ZC3H7A: variants seen among roughly 807,000 people sequenced by gnomAD.
ZC3H7A encodes zinc finger CCCH-type containing 7A.
In ZC3H7A, 44 loss-of-function variants were observed where a neutral mutation model predicts 125.5. That is an observed-to-expected ratio of 0.35 (90% CI 0.28 to 0.45). The LOEUF is 0.45. Among genes scored for constraint, ZC3H7A ranks in the 20% least tolerant of loss-of-function variants. ZC3H7A has a pLI of 1.00. For synonymous variants in ZC3H7A, 399 were observed against 391.2 expected (o/e 1.02, Z -0.23); for missense variants, 977 against 1,170.7 (o/e 0.83, Z 2.41).
chr16:11,774,172 A>C (rs922205009), intron 9 of ZC3H7A, 64 bp downstream of exon 9: 19 of 1,422,556 alleles, frequency 1.3e-5, no homozygotes, highest in Non-Finnish European at 1.7e-5. Flanking sequence ...CTATCAAGTT[A>C]TATTACAATT....
intron 1 of ZC3H7A, among the ~76,000 whole-genome samples, chr16:11,786,484 A>AT (rs1417227887): frequency 3.4e-4 from 52 of 152,360 alleles, no homozygotes; most frequent in African/African-American, 1.2e-3. Context: ...CCAAGTTTAT[A>AT]GCCTTAAAGC....
At position 11,779,184 on chromosome 16, in the gene ZC3H7A, A is replaced by T. The variant is rs774296483; in HGVS notation, c.288T>A (p.Ile96=). 2 of 1,601,080 alleles carry T rather than the reference A, an allele frequency of 1.2e-6. No homozygotes were observed. Among genetic ancestry groups the T allele is most frequent in the Non-Finnish European group, 1.7e-6 (2 of 1,170,528 alleles). The change falls in exon 4 of 23, where the codon ATT becomes ATA. Residue 96 remains isoleucine, a synonymous_variant. Transcript: ENST00000355758. ...EIIEKLYINR[I]ACYSNMGFHD... ...AACTCACCATATTAGAATAGCAGGC[A>T]ATACGATTTATATATAGTTTTTCAA...
chr16:11,795,243 G>C (rs974076661), intron 1 of ZC3H7A, among the ~76,000 whole-genome samples: 15 of 152,238 alleles, frequency 9.9e-5, no homozygotes, highest in African/African-American at 3.6e-4. Flanking sequence ...TGAGAAGGAA[G>C]AGGCAGTGGA....
chr16:11,763,256 C>A, intron 16 of ZC3H7A: 1 of 348,740 alleles, frequency 2.9e-6, no homozygotes, highest in East Asian at 4.9e-5. Flanking sequence ...TACAGGCGCC[C>A]ACCACCACGC....
Position 11,761,485 on chromosome 16 carries a change from C to G in ZC3H7A, c.2240G>C (p.Arg747Thr), listed in dbSNP as rs1315190155. The G allele has an allele frequency of 6.2e-7, 1 of 1,613,954 alleles. No individual in the cohort carries two copies. The highest frequency in any genetic ancestry group is 8.5e-7 in the Non-Finnish European group (1 of 1,180,002). Residue 747 changes from arginine (R) to threonine (T), a missense_variant, in exon 19 of 23, where the codon AGA becomes ACA. Coordinates refer to ENST00000355758, the MANE Select transcript of ZC3H7A (RefSeq NM_014153.4). ...HSWTKDRRAM[R>T]VMSIERKKWM... ...CTTCTTACGTTCAATAGACATCACT[C>G]TCATCGCACGCCGGTCTTTGGTCCA...
At chr16:11,757,341 G>A (rs946412282) in intron 20 of ZC3H7A, among the ~76,000 whole-genome samples, 1 of 151,824 alleles carries the variant, frequency 6.6e-6, no homozygotes, top group Non-Finnish European at 1.5e-5. Flanking sequence ...AAAATTAGCC[G>A]GGTGTGGTGG....
chr16:11,781,824 G>C (rs1235716117), intron 2 of ZC3H7A, among the ~76,000 whole-genome samples: 1 of 152,118 alleles, frequency 6.6e-6, no homozygotes, highest in Non-Finnish European at 1.5e-5. Flanking sequence ...AGTATAGAGA[G>C]AATGTCTCCT....
intron 10 of ZC3H7A, among the ~76,000 whole-genome samples, chr16:11,769,432 T>A (rs1216017272): frequency 6.6e-6 from 1 of 151,984 alleles, no homozygotes; most frequent in Non-Finnish European, 1.5e-5. Context: ...TGGGGCCAGG[T>A]GCGGTGGCTC....
chr16:11,779,735 A>G (rs2053142856), intron 3 of ZC3H7A, among the ~76,000 whole-genome samples: 1 of 152,188 alleles, frequency 6.6e-6, no homozygotes, highest in Admixed American at 6.5e-5. Context: ...GCCATGATGA[A>G]AAATGTTTCT....
chr16:11,752,428 T>G (rs2141149601), intron 22 of ZC3H7A, among the ~76,000 whole-genome samples: 1 of 152,350 alleles, frequency 6.6e-6, no homozygotes, highest in South Asian at 2.1e-4. Flanking sequence ...TCAATTATCC[T>G]AAGACATTTC....
intron 1 of ZC3H7A, among the ~76,000 whole-genome samples, chr16:11,791,780 T>G (rs1426575267): frequency 6.6e-6 from 1 of 152,162 alleles, no homozygotes; most frequent in African/African-American, 2.4e-5. Context: ...ATCAATATAG[T>G]GGGAACTGCC....
intron 19 of ZC3H7A, 104 bp downstream of exon 19, chr16:11,761,302 C>G: frequency 9.1e-7 from 1 of 1,094,704 alleles, no homozygotes; most frequent in South Asian, 1.4e-5. Flanking sequence ...TTATTACTGA[C>G]GAATATTATT....
rs371898557 is a variant in ZC3H7A at position 11,779,415 on chromosome 16, A to T, written c.109-52T>A. 9.9e-6 allele frequency: 15 copies of T among 1,522,652 alleles called. No individual in the cohort carries two copies. In the African/African-American group the frequency reaches 1.5e-4, roughly 16 times the overall value. 94.3% of individuals were successfully genotyped at this position (1,522,652 alleles called of 1,614,324 possible). A position where few individuals can be genotyped will look rare whatever the true frequency, so the allele number is the denominator to read the frequency against. On this transcript the variant is annotated intron_variant, in intron 3 of 22. Transcript: ENST00000355758. ...AGCCTTTTATCAAACAAGATATGGT[A>T]TAAGTAAATTTTAATTTTTATACCT...
intron 22 of ZC3H7A, 111 bp downstream of exon 22, chr16:11,752,558 A>C: frequency 7.4e-7 from 1 of 1,357,768 alleles, no homozygotes; most frequent in Non-Finnish European, 1.0e-6. Context: ...GGTCTGTCAG[A>C]GCACAGCAAC....
intron 20 of ZC3H7A, among the ~76,000 whole-genome samples, chr16:11,757,242 T>G (rs983926822): frequency 1.3e-5 from 2 of 152,146 alleles, no homozygotes; most frequent in Non-Finnish European, 1.5e-5. Context: ...CCCAGCACTT[T>G]GGGAGGCTGA....
At chr16:11,781,102 A>C (rs983662639) in intron 3 of ZC3H7A, among the ~76,000 whole-genome samples, 24 of 151,624 alleles carry the variant, frequency 1.6e-4, no homozygotes, top group African/African-American at 5.6e-4. Context: ...AAAGAAAAAG[A>C]AAAAAAAAGT....
chr16:11,773,093 A>G (rs2053015519), intron 9 of ZC3H7A, among the ~76,000 whole-genome samples: 1 of 152,020 alleles, frequency 6.6e-6, no homozygotes, highest in African/African-American at 2.4e-5. Context: ...GTGCAAAAGC[A>G]GCCACAGACA....
Position 11,774,372 on chromosome 16 carries a change from G to A in ZC3H7A, c.767C>T (p.Pro256Leu), listed in dbSNP as rs976269305. 4.3e-6 allele frequency: 7 copies of A among 1,613,894 alleles called. No individual in the cohort carries two copies. The highest frequency in any genetic ancestry group is 5.1e-6 in the Non-Finnish European group (6 of 1,179,948). Reference protein sequence around the residue: ...LPLQVEESALPSAVLANGGKM... With the variant: ...LPLQVEESALLSAVLANGGKM... ...TCCTCCATTTGCCAGCACTGCAGATGGCAGAGCGCTCTCTTCCACTTGTAG... is the reference window on the plus strand; with the variant it reads ...TCCTCCATTTGCCAGCACTGCAGATAGCAGAGCGCTCTCTTCCACTTGTAG... Residue 256 changes from proline (P) to leucine (L), a missense_variant, in exon 9 of 23, where the codon CCA becomes CTA. Around this residue, in one of 3 missense-constraint regions of ZC3H7A, gnomAD observed 342 missense variants for 311.3 expected, o/e 1.10. Transcript: ENST00000355758.
chr16:11,761,090 T>C (rs748897297), intron 19 of ZC3H7A, among the ~76,000 whole-genome samples: 1 of 152,182 alleles, frequency 6.6e-6, no homozygotes, highest in Admixed American at 6.5e-5. Context: ...GAAATCACAA[T>C]TAAATAAAAT....
Sources: gnomAD v4.1 joint callset for allele counts (sites outside exome capture counted in the v4.1 genomes callset) on GRCh38, gnomAD v4.1.1 for gene constraint, gnomAD v4.1.1 regional missense constraint, MANE v1.5 for transcripts, NCBI Gene and HGNC (gene_info 2026-07-23, HGNC 2026-07-21) for gene names.